Variants in PCCA observed in about 807,000 individuals in gnomAD.
The protein encoded by PCCA is propionyl-CoA carboxylase subunit alpha.
Under a neutral mutation model 101.3 loss-of-function variants are expected in PCCA, and 74 were observed. The ratio of observed to expected loss-of-function variants is 0.73; its 90% CI spans 0.61 to 0.89. The LOEUF (loss-of-function observed/expected upper bound fraction) is 0.89, where lower values mean the gene tolerates loss of function less well. Among genes scored for constraint, PCCA ranks in the 40% least tolerant of loss-of-function variants. The probability of loss-of-function intolerance (pLI) is 0.00; values close to 1 mark genes in which losing one functional copy is unlikely to be tolerated. For missense variants in PCCA, 891 were observed against 907.0 expected, an observed-to-expected ratio of 0.98 and a Z score of 0.23; for synonymous variants, 294 against 313.6, an observed-to-expected ratio of 0.94 and a Z score of 0.66.
chr13:100,448,421 C>A (rs1377728932), intron 20 of PCCA, among the ~76,000 whole-genome samples: 1 of 152,000 alleles, frequency 6.6e-6, no homozygotes, highest in Non-Finnish European at 1.5e-5. Context: ...TTGAATTCCT[C>A]ACCTCGTGAT....
At chr13:100,330,823 T>G (rs2069445544) in intron 17 of PCCA, 152 bp downstream of exon 17, 1 of 631,540 alleles carries the variant, frequency 1.6e-6, no homozygotes, top group South Asian at 1.9e-5. Context: ...ATTCATGATT[T>G]TGAGTATTTA....
At chr13:100,160,061 G>C (rs2054289195) in intron 6 of PCCA, among the ~76,000 whole-genome samples, 1 of 151,976 alleles carries the variant, frequency 6.6e-6, no homozygotes, top group South Asian at 2.1e-4. Context: ...TTGCATAACT[G>C]CTGTGTATTT....
intron 9 of PCCA, among the ~76,000 whole-genome samples, chr13:100,259,483 C>A (rs1326437570): frequency 1.3e-5 from 2 of 151,620 alleles, no homozygotes; most frequent in East Asian, 1.9e-4. Flanking sequence ...TACAGCTGCA[C>A]GCCACCACAC....
At chr13:100,331,940 T>C (rs2069659323) in intron 17 of PCCA, among the ~76,000 whole-genome samples, 1 of 147,536 alleles carries the variant, frequency 6.8e-6, no homozygotes, top group Non-Finnish European at 1.5e-5. Flanking sequence ...TTGGATTTTT[T>C]TTTTTTTTTT....
chr13:100,182,372 C>T (rs1287605738), intron 6 of PCCA, among the ~76,000 whole-genome samples: 1 of 152,164 alleles, frequency 6.6e-6, no homozygotes, highest in Non-Finnish European at 1.5e-5. Context: ...GCTAGGATTA[C>T]AGCACTGTGC....
intron 21 of PCCA, among the ~76,000 whole-genome samples, chr13:100,462,295 T>C (rs1338016248): frequency 6.6e-6 from 1 of 152,222 alleles, no homozygotes; most frequent in Non-Finnish European, 1.5e-5. Flanking sequence ...GCATGCTCTA[T>C]ATAATATAAA....
At chr13:100,368,069 G>A (rs1255968667) in intron 18 of PCCA, among the ~76,000 whole-genome samples, 2 of 152,024 alleles carry the variant, frequency 1.3e-5, no homozygotes, top group African/African-American at 4.8e-5. Flanking sequence ...ATGTAGAGAG[G>A]TTCATTGTTT....
intron 18 of PCCA, among the ~76,000 whole-genome samples, chr13:100,346,903 T>A (rs559957168): frequency 1.9e-4 from 29 of 152,172 alleles, no homozygotes; most frequent in African/African-American, 7.0e-4. Flanking sequence ...AGATGGAGTC[T>A]CGCTCTGTCG....
At chr13:100,428,957 T>G (rs926305621) in intron 20 of PCCA, among the ~76,000 whole-genome samples, 7 of 152,160 alleles carry the variant, frequency 4.6e-5, no homozygotes, top group African/African-American at 1.7e-4. Flanking sequence ...TGAACAGAAT[T>G]GTAGCTTACG....
intron 4 of PCCA, among the ~76,000 whole-genome samples, chr13:100,135,105 A>G (rs569279205): frequency 3.6e-4 from 55 of 151,278 alleles, no homozygotes; most frequent in Non-Finnish European, 3.7e-4. Context: ...TTAAAATTGT[A>G]TTGTTTGGCC....
intron 16 of PCCA, among the ~76,000 whole-genome samples, chr13:100,326,687 T>C (rs1001165089): frequency 1.3e-5 from 2 of 151,960 alleles, no homozygotes; most frequent in African/African-American, 2.4e-5. Context: ...TCTTCCTCCT[T>C]CTCCTCAGTC....
chr13:100,135,160 G>T (rs553418778), intron 4 of PCCA, among the ~76,000 whole-genome samples: 1 of 151,876 alleles, frequency 6.6e-6, no homozygotes, highest in African/African-American at 2.4e-5. Flanking sequence ...TTGGGAGGCT[G>T]AGGTGGGAGG....
chr13:100,469,070 A>G (rs1213513201), intron 21 of PCCA, among the ~76,000 whole-genome samples: 1 of 151,758 alleles, frequency 6.6e-6, no homozygotes, highest in East Asian at 1.9e-4. Flanking sequence ...AACTAGCCGG[A>G]CGTGGTGGCA....
At chr13:100,146,956 C>T (rs1357370045) in intron 4 of PCCA, among the ~76,000 whole-genome samples, 1 of 149,388 alleles carries the variant, frequency 6.7e-6, no homozygotes, top group African/African-American at 2.5e-5. Context: ...AGTTATGGTT[C>T]ATCTAGATTA....
intron 21 of PCCA, among the ~76,000 whole-genome samples, chr13:100,484,663 A>G (rs2084227882): frequency 6.6e-6 from 1 of 152,226 alleles, no homozygotes. Flanking sequence ...TTTCTTCCAG[A>G]TATTAACACA....
At chr13:100,314,012 G>A (rs2067136973) in intron 16 of PCCA, among the ~76,000 whole-genome samples, 1 of 151,600 alleles carries the variant, frequency 6.6e-6, no homozygotes, top group African/African-American at 2.4e-5. Context: ...TTATTATCTT[G>A]CCGTCTTTCA....
rs1440454429 is a variant in PCCA at position 100,099,198 on chromosome 13, T to G, written c.106-3685T>G. Among the ~76,000 whole-genome samples the G allele has an allele frequency of 2.0e-5, 3 of 152,172 alleles. No homozygotes were observed. The South Asian group carries it at 6.2e-4, about 32-fold the overall frequency. On this transcript the variant is annotated intron_variant, in intron 1 of 23. Coordinates refer to ENST00000376285, the MANE Select transcript of PCCA (RefSeq NM_000282.4). ...CTGCGGGTATGTTAACAACAGTAGTTTTGGTTTTGGCAGAAATAGTGTTCA... is the reference window on the plus strand; with the variant it reads ...CTGCGGGTATGTTAACAACAGTAGTGTTGGTTTTGGCAGAAATAGTGTTCA...
chr13:100,406,538 C>T (rs1156630937), intron 19 of PCCA, among the ~76,000 whole-genome samples: 3 of 152,182 alleles, frequency 2.0e-5, no homozygotes, highest in South Asian at 4.1e-4. Context: ...AACCCCATCT[C>T]TACTAAAAAT....
intron 7 of PCCA, among the ~76,000 whole-genome samples, chr13:100,211,345 A>G (rs571952971): frequency 6.6e-6 from 1 of 152,250 alleles, no homozygotes; most frequent in African/African-American, 2.4e-5. Context: ...TCTTTCACTT[A>G]ATCTTTTCTT....
Sources: gnomAD v4.1 joint callset for allele counts (sites outside exome capture counted in the v4.1 genomes callset) on GRCh38, gnomAD v4.1.1 for gene constraint, MANE v1.5 for transcripts, NCBI Gene and HGNC (gene_info 2026-07-23, HGNC 2026-07-21) for gene names.